The following GABRA1 variants were observed in gnomAD, a reference collection of about 807,000 sequenced individuals.
GABRA1 encodes the protein gamma-aminobutyric acid receptor subunit alpha-1.
GABRA1 carries 9 observed loss-of-function variants against 48.9 expected under a neutral mutation model. The observed-to-expected ratio is 0.18, with a 90% CI of 0.11 to 0.32. GABRA1 has a LOEUF of 0.32. GABRA1 is among the 10% of genes least tolerant of loss of function. The pLI, the probability that GABRA1 is intolerant of heterozygous loss-of-function variation, is 1.00. For missense variants in GABRA1, 285 were observed against 553.8 expected (o/e 0.51, Z 4.87); for synonymous variants, 210 against 198.7 (o/e 1.06, Z -0.48).
At chr5:161,866,722 C>A (rs1219006518) in intron 4 of GABRA1, among the ~76,000 whole-genome samples, 2 of 152,072 alleles carry the variant, frequency 1.3e-5, no homozygotes, top group Non-Finnish European at 2.9e-5. Flanking sequence ...TTGCCCAAGA[C>A]CTTTTTTGTC....
intron 9 of GABRA1, among the ~76,000 whole-genome samples, chr5:161,896,235 G>C (rs2279021): frequency 0.18 from 26,744 of 152,026 alleles, 3,104 homozygotes; most frequent in African/African-American, 0.32. Flanking sequence ...TAACTTGAAA[G>C]TTATATTCTT....
intron 4 of GABRA1, among the ~76,000 whole-genome samples, chr5:161,869,119 G>T (rs1245042465): frequency 6.6e-6 from 1 of 152,120 alleles, no homozygotes; most frequent in Non-Finnish European, 1.5e-5. Context: ...AGAAGAAGCA[G>T]CATGATTTAG....
At chr5:161,886,829 A>G (rs1030351056) in intron 7 of GABRA1, among the ~76,000 whole-genome samples, 5 of 152,056 alleles carry the variant, frequency 3.3e-5, no homozygotes, top group African/African-American at 1.2e-4. Flanking sequence ...TAAGGGAACT[A>G]CATGATGGCA....
At chr5:161,858,618 T>C (rs1351656230) in intron 3 of GABRA1, among the ~76,000 whole-genome samples, 2 of 151,736 alleles carry the variant, frequency 1.3e-5, no homozygotes. Flanking sequence ...TTTCCACATA[T>C]CTAACTTACA....
rs765292293 is a variant in GABRA1 at position 161,882,600 on chromosome 5, A to G, written c.602A>G (p.Glu201Gly). Residue 201 changes from glutamate (E) to glycine (G), a missense_variant, in exon 7 of 10, where the codon GAG (glutamate) becomes GGG (glycine). Coordinates refer to ENST00000393943, the MANE Select transcript of GABRA1 (RefSeq NM_001127644.2). ...GAAGTTGTTTATGAATGGACCAGAG[A>G]GCCAGCACGCTCAGTGGTTGTAGCA... The part of the protein sequence containing the change: ...RAEVVYEWTR[E>G]PARSVVVAED... 18 of 1,613,584 alleles carry G rather than the reference A, an allele frequency of 1.1e-5. No homozygotes were observed. The highest frequency in any genetic ancestry group is 1.5e-5 in the Non-Finnish European group (18 of 1,179,762).
At chr5:161,867,071 G>T (rs1753895692) in intron 4 of GABRA1, among the ~76,000 whole-genome samples, 1 of 152,110 alleles carries the variant, frequency 6.6e-6, no homozygotes, top group African/African-American at 2.4e-5. Context: ...TAATATGCAA[G>T]AAATATAATA....
chr5:161,889,495 C>A (rs971628182), intron 7 of GABRA1, among the ~76,000 whole-genome samples: 10 of 152,028 alleles, frequency 6.6e-5, no homozygotes, highest in Non-Finnish European at 1.2e-4. Context: ...ACAATAATTT[C>A]TATTCCACTG....
chr5:161,860,395 A>G (rs1757805753), intron 3 of GABRA1, among the ~76,000 whole-genome samples: 2 of 150,082 alleles, frequency 1.3e-5, no homozygotes, highest in Admixed American at 6.7e-5. Flanking sequence ...TCCATGTCAC[A>G]TGTTCTCACT....
intron 3 of GABRA1, among the ~76,000 whole-genome samples, chr5:161,858,426 T>C (rs1757732262): frequency 6.6e-6 from 1 of 151,674 alleles, no homozygotes; most frequent in Non-Finnish European, 1.5e-5. Flanking sequence ...AATCAGGCTT[T>C]TATGGATACT....
At chr5:161,869,472 T>G (rs1253401718) in intron 4 of GABRA1, among the ~76,000 whole-genome samples, 1 of 152,144 alleles carries the variant, frequency 6.6e-6, no homozygotes, top group East Asian at 1.9e-4. Context: ...CAAACAAAAT[T>G]AGGACAATTC....
chr5:161,891,112 G>T (rs1367216526), intron 8 of GABRA1, 62 bp downstream of exon 8: 2 of 1,444,376 alleles, frequency 1.4e-6, no homozygotes, highest in Non-Finnish European at 1.9e-6. Flanking sequence ...TGTCATATCT[G>T]TGACACTGCA....
At chr5:161,857,547 G>A (rs1581181682) in intron 3 of GABRA1, among the ~76,000 whole-genome samples, 1 of 151,512 alleles carries the variant, frequency 6.6e-6, no homozygotes, top group East Asian at 1.9e-4. Flanking sequence ...GAGCAACCAT[G>A]CAGAACTGCA....
Position 161,897,359 on chromosome 5 carries a change from A to G in GABRA1, c.1308A>G (p.Leu436=). The change falls in exon 10 of 10, where the codon TTA becomes TTG. Residue 436 remains leucine (L), a synonymous_variant. Transcript: ENST00000393943. The part of the protein sequence containing the change: ...AFPLLFGIFN[L]VYWATYLNRE... ...CGCTGCTATTTGGAATCTTTAACTT[A>G]GTCTACTGGGCTACGTATTTAAACA... 1.9e-6 allele frequency: 3 copies of G among 1,614,150 alleles called. No individual in the cohort carries two copies. Among genetic ancestry groups the G allele is most frequent in the Non-Finnish European group, 2.5e-6 (3 of 1,179,986 alleles).
chr5:161,851,843 G>A (rs1400936739), intron 2 of GABRA1, among the ~76,000 whole-genome samples: 1 of 152,110 alleles, frequency 6.6e-6, no homozygotes, highest in East Asian at 1.9e-4. Flanking sequence ...GAAGTTAAAT[G>A]TCTTTACTGC....
intron 7 of GABRA1, among the ~76,000 whole-genome samples, chr5:161,885,790 G>C (rs756675461): frequency 6.6e-6 from 1 of 152,144 alleles, no homozygotes; most frequent in Non-Finnish European, 1.5e-5. Flanking sequence ...GTATATGGCA[G>C]AGAAATAGGC....
intron 2 of GABRA1, among the ~76,000 whole-genome samples, chr5:161,851,223 A>G (rs1033714961): frequency 1.3e-5 from 2 of 152,182 alleles, no homozygotes; most frequent in African/African-American, 4.8e-5. Context: ...CATACTGTGT[A>G]ACCTGATTTA....
intron 3 of GABRA1, among the ~76,000 whole-genome samples, chr5:161,854,838 T>A (rs1757586395): frequency 1.3e-5 from 2 of 151,528 alleles, no homozygotes; most frequent in Admixed American, 1.3e-4. Context: ...AATTACTCGG[T>A]TATATTGATA....
At chr5:161,885,407 G>C (rs1005804745) in intron 7 of GABRA1, among the ~76,000 whole-genome samples, 6 of 152,100 alleles carry the variant, frequency 3.9e-5, no homozygotes, top group African/African-American at 1.4e-4. Context: ...TGGTGAGAGA[G>C]AACACACACA....
chr5:161,884,900 C>T (rs376729079), intron 7 of GABRA1, among the ~76,000 whole-genome samples: 2 of 152,082 alleles, frequency 1.3e-5, no homozygotes, highest in African/African-American at 4.8e-5. Flanking sequence ...ATAATGGAGG[C>T]CTTCCTCACC....
Sources: allele counts gnomAD v4.1 joint callset (sites outside exome capture counted in the v4.1 genomes callset), GRCh38; gene constraint gnomAD v4.1.1; transcripts MANE v1.5; gene names NCBI Gene and HGNC (gene_info 2026-07-23, HGNC 2026-07-21).